RPP14: variants seen among roughly 807,000 people sequenced by gnomAD.
RPP14 encodes ribonuclease P protein subunit p14.
A neutral mutation model predicts 17.8 loss-of-function variants in RPP14; 19 were observed. The ratio of observed to expected loss-of-function variants is 1.07; its 90% confidence interval spans 0.74 to 1.57. RPP14 has a LOEUF of 1.57. Ranked by LOEUF, RPP14 falls within the 40% of genes most tolerant of loss-of-function variation. RPP14 has a pLI of 0.00. For synonymous variants in RPP14, 60 were observed against 56.4 expected (o/e 1.06, Z -0.29); for missense variants, 125 against 140.8 (o/e 0.89, Z 0.57).
At position 58,319,499 on chromosome 3, in the gene RPP14, A is replaced by G. The variant is rs2097492165; in HGVS notation, c.*2003A>G. The G allele has an allele frequency of 1.3e-5, 2 of 152,188 alleles. No homozygotes were observed. Among genetic ancestry groups the G allele is most frequent in the Non-Finnish European group, 2.9e-5 (2 of 68,028 alleles). The allele number at this position is 152,188 out of a possible 1,614,324, so 9.4% of individuals were successfully genotyped here. A position where few individuals can be genotyped will look rare whatever the true frequency, so the allele number is the denominator to read the frequency against. On this transcript the variant is annotated 3_prime_UTR_variant, in exon 6 of 6. Transcript: ENST00000295959. ...AGCTGACTGGCCCACAGTTAAACGT[A>G]ACAGACCAGTTTTTCAGGGTGTCAG... is the stretch of plus-strand genomic sequence containing the variant.
At chr3:58,314,617 C>T (rs2097486223) in intron 3 of RPP14, among the ~76,000 whole-genome samples, 1 of 149,950 alleles carries the variant, frequency 6.7e-6, no homozygotes, top group African/African-American at 2.4e-5. Flanking sequence ...CTAGATCACT[C>T]ATACACTACA....
At position 58,319,604 on chromosome 3, in the gene RPP14, CATT is replaced by C. The variant is rs781188630; in HGVS notation, c.*2114_*2116del. 17 of 150,440 alleles carry C rather than the reference CATT, an allele frequency of 1.1e-4. No homozygotes were observed. The highest frequency in any genetic ancestry group is 2.7e-4 in the Admixed American group (4 of 14,986). The allele number at this position is 150,440 out of a possible 1,614,324, so 9.3% of individuals were successfully genotyped here. On this transcript the variant is annotated 3_prime_UTR_variant, in exon 6 of 6. Coordinates refer to ENST00000295959, the MANE Select transcript of RPP14 (RefSeq NM_007042.6). ...TCCTTGAAAATTTGGATCTACCTCC[CATT>C]ATTATGAGTAATACATGCTTATAGT...
chr3:58,317,992 T>A lies in RPP14; in HGVS notation c.*496T>A. ...ATATATTGGAGAAGTTGTTTTAGCT[T>A]CTGCAGAAGTGAAAAAGCTGAAGCG... is the stretch of plus-strand genomic sequence containing the variant. On this transcript the variant is annotated 3_prime_UTR_variant, in exon 6 of 6. Coordinates refer to ENST00000295959, the MANE Select transcript of RPP14 (RefSeq NM_007042.6). 1 of 702,956 alleles carries A rather than the reference T, an allele frequency of 1.4e-6. No individual in the cohort carries two copies. Among genetic ancestry groups the A allele is most frequent in the Non-Finnish European group, 2.6e-6 (1 of 384,990 alleles). 43.5% of individuals were successfully genotyped at this position (702,956 alleles called of 1,614,324 possible). A position where few individuals can be genotyped will look rare whatever the true frequency, so the allele number is the denominator to read the frequency against.
Position 58,310,303 on chromosome 3 carries a change from C to A in RPP14, c.-21-6C>A, listed in dbSNP as rs370681119. On this transcript the variant is annotated splice_polypyrimidine_tract_variant and splice_region_variant and intron_variant, in intron 1 of 5. Coordinates refer to ENST00000295959, the MANE Select transcript of RPP14 (RefSeq NM_007042.6). The stretch of plus-strand genomic sequence containing the variant: ...GGTCATTTCTAGCCCTCTTGACTTA[C>A]TGTAGGTGTGATCAGCACTGGAAAA... The A allele has an allele frequency of 5.6e-6, 9 of 1,604,568 alleles. No individual in the cohort carries two copies. In the African/African-American group the frequency reaches 1.1e-4, roughly 19 times the overall value.
chr3:58,306,942 C>G (rs563826850), intron 1 of RPP14, among the ~76,000 whole-genome samples: 4 of 152,136 alleles, frequency 2.6e-5, no homozygotes, highest in African/African-American at 9.6e-5. Flanking sequence ...AGGGACGGGG[C>G]ATGGGGGTGG....
At chr3:58,314,500 C>T (rs1453075831) in intron 3 of RPP14, among the ~76,000 whole-genome samples, 4 of 151,986 alleles carry the variant, frequency 2.6e-5, no homozygotes, top group African/African-American at 7.3e-5. Flanking sequence ...TAACATTAGC[C>T]ATTAGGGAAA....
At position 58,318,309 on chromosome 3, in the gene RPP14, G is replaced by C. The variant is rs1401315203; in HGVS notation, c.*813G>C. 6 of 485,756 alleles carry C rather than the reference G, an allele frequency of 1.2e-5. No homozygotes were observed. The highest frequency in any genetic ancestry group is 9.7e-5 in the East Asian group (3 of 31,080). The allele number at this position is 485,756 out of a possible 1,614,324, so 30.1% of individuals were successfully genotyped here. On this transcript the variant is annotated 3_prime_UTR_variant, in exon 6 of 6. Coordinates refer to ENST00000295959, the MANE Select transcript of RPP14 (RefSeq NM_007042.6). The stretch of plus-strand genomic sequence containing the variant: ...GGCCTTATGCTTCATGCAGACTTGA[G>C]TGTATGCAGGATTTCATTATCTGCC...
intron 3 of RPP14, 57 bp from the exon 4 acceptor site, chr3:58,316,458 C>T: frequency 1.4e-6 from 2 of 1,474,030 alleles, no homozygotes; most frequent in South Asian, 2.3e-5. Context: ...CAAAAGTTGA[C>T]AAGCATTCAA....
chr3:58,317,534 T>C lies in RPP14; in HGVS notation c.*38T>C, dbSNP rs778709664. ...CCATTTTGGAAACGTTCATCCACTC[T>C]CATATTTATTTTTTGGTGCCTGCAT... On this transcript the variant is annotated 3_prime_UTR_variant, in exon 6 of 6. Transcript: ENST00000295959. The C allele has an allele frequency of 7.2e-7, 1 of 1,389,920 alleles. No individual in the cohort carries two copies. Among genetic ancestry groups the C allele is most frequent in the Non-Finnish European group, 1.0e-6 (1 of 985,074 alleles). 86.1% of individuals were successfully genotyped at this position (1,389,920 alleles called of 1,614,324 possible).
chr3:58,316,708 G>C (rs1425220527), intron 4 of RPP14, 117 bp downstream of exon 4: 5 of 1,023,990 alleles, frequency 4.9e-6, no homozygotes, highest in Non-Finnish European at 7.5e-6. Context: ...GCAGCTTTTG[G>C]GAATTTAAAC....
At chr3:58,312,178 C>T (rs1035322605) in intron 3 of RPP14, among the ~76,000 whole-genome samples, 3 of 152,206 alleles carry the variant, frequency 2.0e-5, no homozygotes, top group African/African-American at 7.2e-5. Flanking sequence ...TGGGAAACCT[C>T]CATACTGCTC....
chr3:58,308,948 C>G (rs1025410914), intron 1 of RPP14, among the ~76,000 whole-genome samples: 2 of 152,244 alleles, frequency 1.3e-5, no homozygotes, highest in African/African-American at 4.8e-5. Flanking sequence ...AAGGAACTGT[C>G]TACAGAGAGA....
intron 1 of RPP14, among the ~76,000 whole-genome samples, chr3:58,309,354 C>T (rs901404295): frequency 6.6e-6 from 1 of 152,064 alleles, no homozygotes; most frequent in Non-Finnish European, 1.5e-5. Context: ...GTCATCTTCT[C>T]GAAAATGGGA....
At position 58,318,736 on chromosome 3, in the gene RPP14, A is replaced by G. The variant is rs1033741745; in HGVS notation, c.*1240A>G. 1 of 151,658 alleles carries G rather than the reference A, an allele frequency of 6.6e-6. No homozygotes were observed. The highest frequency in any genetic ancestry group is 2.4e-5 in the African/African-American group (1 of 41,264). The allele number at this position is 151,658 out of a possible 1,614,324, so 9.4% of individuals were successfully genotyped here. On this transcript the variant is annotated 3_prime_UTR_variant, in exon 6 of 6. Coordinates refer to ENST00000295959, the MANE Select transcript of RPP14 (RefSeq NM_007042.6). Reference sequence around the variant, plus strand: ...ACTTTTAAATCAGGCGTGGCAGCTCACGCCTGTAATCCCAGCATTTTGGGA... The same window carrying G: ...ACTTTTAAATCAGGCGTGGCAGCTCGCGCCTGTAATCCCAGCATTTTGGGA...
In RPP14 at chr3:58,320,166, G is replaced by A. The variant is rs2097493035; in HGVS notation, c.*2670G>A. On this transcript the variant is annotated 3_prime_UTR_variant, in exon 6 of 6. Coordinates refer to ENST00000295959, the MANE Select transcript of RPP14 (RefSeq NM_007042.6). Reference sequence around the variant, plus strand: ...CAGTACATCATTTTATTTTATGGCTGAATAATATTCCATTGTATTTACCCA... The same window carrying A: ...CAGTACATCATTTTATTTTATGGCTAAATAATATTCCATTGTATTTACCCA... The A allele has an allele frequency of 6.6e-6, 1 of 151,812 alleles. No individual in the cohort carries two copies. Among genetic ancestry groups the A allele is most frequent in the Admixed American group, 6.6e-5 (1 of 15,238 alleles). The allele number at this position is 151,812 out of a possible 1,614,324, so 9.4% of individuals were successfully genotyped here. A position where few individuals can be genotyped will look rare whatever the true frequency, so the allele number is the denominator to read the frequency against.
chr3:58,313,830 C>T (rs902102054), intron 3 of RPP14, among the ~76,000 whole-genome samples: 2 of 152,194 alleles, frequency 1.3e-5, no homozygotes, highest in Admixed American at 1.3e-4. Flanking sequence ...AGATGAATTA[C>T]ACACTGGGGG....
chr3:58,311,247 C>T (rs1052555670), intron 3 of RPP14, among the ~76,000 whole-genome samples: 1 of 152,070 alleles, frequency 6.6e-6, no homozygotes, highest in African/African-American at 2.4e-5. Context: ...CTCTGCCTCC[C>T]AGATTCAAGG....
intron 2 of RPP14, 40 bp from the exon 3 acceptor site, chr3:58,310,467 T>A (rs538942597): frequency 6.3e-7 from 1 of 1,596,638 alleles, no homozygotes; most frequent in Admixed American, 1.8e-5. Flanking sequence ...CTGAATAGAA[T>A]GAAATTTAAT....
intron 3 of RPP14, 21 bp from the exon 4 acceptor site, chr3:58,316,494 A>C (rs183906452): frequency 2.6e-5 from 41 of 1,598,990 alleles, no homozygotes; most frequent in Non-Finnish European, 3.3e-5. Flanking sequence ...TAGCCTGCTA[A>C]TAGCATTATT....
Sources: allele counts gnomAD v4.1 joint callset (sites outside exome capture counted in the v4.1 genomes callset), GRCh38; gene constraint gnomAD v4.1.1; transcripts MANE v1.5; gene names NCBI Gene and HGNC (gene_info 2026-07-23, HGNC 2026-07-21).